The following PARP6 variants were observed in gnomAD, a reference collection of about 807,000 sequenced individuals.
PARP6 encodes protein mono-ADP-ribosyltransferase PARP6.
In PARP6, 27 loss-of-function variants were observed where a neutral mutation model predicts 92.0. The observed-to-expected ratio is 0.29, with a 90% CI of 0.22 to 0.40. The LOEUF is 0.40. Ranked by LOEUF, PARP6 falls within the 10% of genes least tolerant of loss-of-function variation. The pLI, the probability that PARP6 is intolerant of heterozygous loss-of-function variation, is 1.00. For synonymous variants in PARP6, 272 were observed against 281.2 expected (o/e 0.97, Z 0.33); for missense variants, 501 against 784.5 (o/e 0.64, Z 4.32).
In PARP6 at chr15:72,242,275, C is replaced by A; in HGVS notation, c.1642-55G>T. ...AGCCAGGTAGATGGGTACAGCTTTC[C>A]CTAGAGAGGCTGGTTAGCTGATGAT... On this transcript the variant is annotated intron_variant, in intron 21 of 23. Coordinates refer to ENST00000569795, the MANE Select transcript of PARP6 (RefSeq NM_001323532.2). This position sits in a 1 kb window ranked among gnomAD's most constrained non-coding sequence, Gnocchi z 4.3. 1 of 1,397,992 alleles carries A rather than the reference C, an allele frequency of 7.2e-7. No individual in the cohort carries two copies. The highest frequency in any genetic ancestry group is 2.3e-5 in the East Asian group (1 of 43,868). 86.6% of individuals were successfully genotyped at this position (1,397,992 alleles called of 1,614,324 possible).
chr15:72,254,194 C>A, intron 15 of PARP6: 1 of 529,430 alleles, frequency 1.9e-6, no homozygotes. Context: ...AGAATTATGG[C>A]AAAACATTAA....
At position 72,256,598 on chromosome 15, in the gene PARP6, GA is replaced by G; in HGVS notation, c.1000-9del. ...CACCAGCAGATCCACCACCTTAGGG[GA>G]AAGGAAAAAAAACAGGGCAGAAGCT... On this transcript the variant is annotated splice_polypyrimidine_tract_variant and intron_variant, in intron 13 of 23. Coordinates refer to ENST00000569795, the MANE Select transcript of PARP6 (RefSeq NM_001323532.2). 6.6e-7 allele frequency: 1 copy of G among 1,523,896 alleles called. No homozygotes were observed. Among genetic ancestry groups the G allele is most frequent in the Admixed American group, 2.3e-5 (1 of 43,070 alleles). 94.4% of individuals were successfully genotyped at this position (1,523,896 alleles called of 1,614,324 possible). A position where few individuals can be genotyped will look rare whatever the true frequency, so the allele number is the denominator to read the frequency against.
At chr15:72,259,794 G>C in intron 10 of PARP6, 133 bp from the exon 11 acceptor site, 1 of 740,648 alleles carries the variant, frequency 1.4e-6, no homozygotes. Context: ...AGCTAGAAAG[G>C]AGACTTTTAG....
chr15:72,266,953 C>T, intron 3 of PARP6, 131 bp from the exon 4 acceptor site: 1 of 695,034 alleles, frequency 1.4e-6, no homozygotes, highest in Non-Finnish European at 2.6e-6. Flanking sequence ...GCCCTGATCC[C>T]TTTACACCTT....
At chr15:72,261,510 G>C (rs755909704) in intron 9 of PARP6, 48 bp downstream of exon 9, 1 of 1,533,664 alleles carries the variant, frequency 6.5e-7, no homozygotes, top group South Asian at 1.1e-5. Flanking sequence ...GTGGGGGTGG[G>C]GGCTATCACA....
chr15:72,261,338 G>A (rs888449157), intron 9 of PARP6, among the ~76,000 whole-genome samples: 5 of 152,202 alleles, frequency 3.3e-5, no homozygotes, highest in Admixed American at 6.5e-5. Flanking sequence ...TACATATCAC[G>A]AGCTAGGTAT....
In PARP6 at chr15:72,265,180, A is replaced by G. The variant is rs374581537; in HGVS notation, c.238-9T>C. The G allele has an allele frequency of 3.6e-5, 57 of 1,592,816 alleles. No homozygotes were observed. The highest frequency in any genetic ancestry group is 1.7e-4 in the Middle Eastern group (1 of 6,052). On this transcript the variant is annotated splice_polypyrimidine_tract_variant and intron_variant, in intron 6 of 23. Coordinates refer to ENST00000569795, the MANE Select transcript of PARP6 (RefSeq NM_001323532.2). The stretch of plus-strand genomic sequence containing the variant: ...GCTGTAGAGACTTCCTCCTAAAAGA[A>G]GAAGGGAAATAGTTTCCAGTTTAGC...
In PARP6 at chr15:72,250,836, C is replaced by G. The variant is rs1167795213; in HGVS notation, c.1418+9G>C. On this transcript the variant is annotated intron_variant, in intron 18 of 23. Transcript: ENST00000569795. Reference sequence around the variant, plus strand: ...ACCACCCCCACTGCCCAGCCCCCAGCCTCCTCACTGGAAGGCAAAGGTGCT... The same window carrying G: ...ACCACCCCCACTGCCCAGCCCCCAGGCTCCTCACTGGAAGGCAAAGGTGCT... 6.4e-7 allele frequency: 1 copy of G among 1,555,172 alleles called. No individual in the cohort carries two copies. The highest frequency in any genetic ancestry group is 1.4e-5 in the African/African-American group (1 of 73,624).
chr15:72,252,911 T>C (rs999002072), intron 16 of PARP6, among the ~76,000 whole-genome samples: 1 of 152,170 alleles, frequency 6.6e-6, no homozygotes, highest in Non-Finnish European at 1.5e-5. Context: ...CTGCACATCG[T>C]GGCTCACAGC....
intron 10 of PARP6, among the ~76,000 whole-genome samples, chr15:72,260,074 C>A (rs191031793): frequency 3.3e-4 from 51 of 152,310 alleles, no homozygotes; most frequent in Admixed American, 7.2e-4. Context: ...GTAATCCCAG[C>A]ACTTTGGGAG....
intron 2 of PARP6, among the ~76,000 whole-genome samples, chr15:72,270,136 T>C (rs1042433290): frequency 4.6e-5 from 7 of 152,116 alleles, no homozygotes; most frequent in African/African-American, 1.4e-4. Context: ...AGAGCCAGCA[T>C]AGGAGTCTTC....
intron 15 of PARP6, chr15:72,253,927 G>C: frequency 6.9e-6 from 3 of 436,662 alleles, no homozygotes; most frequent in Non-Finnish European, 1.4e-5. Context: ...GTGATATACA[G>C]GATTTGCTGA....
intron 3 of PARP6, 125 bp from the exon 4 acceptor site, chr15:72,266,947 T>C: frequency 2.7e-6 from 2 of 745,132 alleles, no homozygotes; most frequent in Non-Finnish European, 4.8e-6. Context: ...ACTGAAGCCC[T>C]GATCCCTTTA....
chr15:72,253,938 G>A, intron 15 of PARP6: 1 of 439,692 alleles, frequency 2.3e-6, no homozygotes, highest in Non-Finnish European at 4.5e-6. Flanking sequence ...GATTTGCTGA[G>A]AAGAGGCCCA....
rs1019516216 is a variant in PARP6, at chr15:72,250,908, G to C, written c.1355C>G (p.Pro452Arg). 6.2e-7 allele frequency: 1 copy of C among 1,613,598 alleles called. No homozygotes were observed. Among genetic ancestry groups the C allele is most frequent in the African/African-American group, 1.3e-5 (1 of 74,864 alleles). ...TSHQFLLLSSPPAKEARFRTA... is the reference protein window; with the variant it reads ...TSHQFLLLSSRPAKEARFRTA... ...CCGGAACCGAGCCTCCTTGGCAGGA[G>C]GGCTGCTCAGCAGGAGGAACTGGTG... The change falls in exon 18 of 24, where the codon CCT becomes CGT. Residue 452 changes from proline to arginine, a missense_variant. Physicochemically the swap from Pro to Arg is moderately radical, Grantham distance 103. Around this residue, in one of 4 missense-constraint regions of PARP6, gnomAD observed 191 missense variants for 399.1 expected, o/e 0.48. Coordinates refer to ENST00000569795, the MANE Select transcript of PARP6 (RefSeq NM_001323532.2).
chr15:72,262,166 G>C lies in PARP6; in HGVS notation c.396-459C>G, dbSNP rs115923486. Reference sequence around the variant, plus strand: ...TTCTCAAATTTATGGTTTCCAATTTGAGCTGCGCCCTTAGCTAGATTTGTC... The same window carrying C: ...TTCTCAAATTTATGGTTTCCAATTTCAGCTGCGCCCTTAGCTAGATTTGTC... On this transcript the variant is annotated intron_variant, in intron 8 of 23. Coordinates refer to ENST00000569795, the MANE Select transcript of PARP6 (RefSeq NM_001323532.2). 4.5e-3 allele frequency among the ~76,000 whole-genome samples: 689 copies of C among 152,262 alleles called. 4 individuals carry two copies. Among genetic ancestry groups the C allele is most frequent in the African/African-American group, 0.016 (646 of 41,544 alleles).
At chr15:72,249,107 G>A (rs949301317) in intron 20 of PARP6, 138 bp downstream of exon 20, 1 of 459,442 alleles carries the variant, frequency 2.2e-6, no homozygotes, top group African/African-American at 2.0e-5. Flanking sequence ...GAGAGAGAGA[G>A]AATATGTATC....
Position 72,265,089 on chromosome 15 carries a change from T to C in PARP6, c.320A>G (p.Asp107Gly). The change falls in exon 7 of 24, where the codon GAT (aspartate) becomes GGT (glycine). Residue 107 changes from aspartate to glycine, a missense_variant. Around this residue, in one of 4 missense-constraint regions of PARP6, gnomAD observed 291 missense variants for 352.0 expected, o/e 0.83. Transcript: ENST00000569795. The part of the protein sequence containing the change: ...RLRFSLSQYL[D>G]GPEPSIEVFQ... ...AAAGTCACTGCCTTTACCTGGTCCA[T>C]CTAGGTACTGGGAGAGAGAAAATCG... 6.2e-7 allele frequency: 1 copy of C among 1,611,022 alleles called. No individual in the cohort carries two copies. The highest frequency in any genetic ancestry group is 8.5e-7 in the Non-Finnish European group (1 of 1,177,232).
chr15:72,259,526 T>A, intron 11 of PARP6, 82 bp downstream of exon 11: 1 of 1,060,686 alleles, frequency 9.4e-7, no homozygotes, highest in South Asian at 1.3e-5. Flanking sequence ...AAGTATTTGA[T>A]TGAGGAGCTG....
Sources: allele counts gnomAD v4.1 joint callset (sites outside exome capture counted in the v4.1 genomes callset), GRCh38; gene constraint gnomAD v4.1.1; regional missense constraint gnomAD v4.1.1; non-coding constraint Gnocchi (gnomAD v3.1); transcripts MANE v1.5; gene names NCBI Gene and HGNC (gene_info 2026-07-23, HGNC 2026-07-21).